Variants in MPDZ observed in about 807,000 individuals in gnomAD.
The protein encoded by MPDZ is multiple PDZ domain crumbs cell polarity complex component, also known as multiple PDZ domain protein.
MPDZ carries 234 observed loss-of-function variants against 239.1 expected under a neutral mutation model. That is an observed-to-expected ratio of 0.98 (90% CI 0.88 to 1.09). MPDZ has a LOEUF of 1.09. Ranked by LOEUF, MPDZ falls within the 50% of genes least tolerant of loss-of-function variation. The probability of loss-of-function intolerance (pLI) is 0.00; values close to 1 mark genes in which losing one functional copy is unlikely to be tolerated. For missense variants in MPDZ, 3,175 were observed against 2,510.0 expected, an observed-to-expected ratio of 1.26 and a Z score of -5.66; for synonymous variants, 1,048 against 881.3, an observed-to-expected ratio of 1.19 and a Z score of -3.35.
At chr9:13,255,959 T>G (rs1187088220) in intron 1 of MPDZ, among the ~76,000 whole-genome samples, 3 of 152,214 alleles carry the variant, frequency 2.0e-5, no homozygotes, top group Non-Finnish European at 2.9e-5. Flanking sequence ...CCTGATAGCC[T>G]CTTCTTTCAA....
intron 23 of MPDZ, among the ~76,000 whole-genome samples, chr9:13,160,561 G>A (rs964571700): frequency 6.6e-6 from 1 of 151,616 alleles, no homozygotes; most frequent in South Asian, 2.1e-4. Context: ...TATTTCAGAG[G>A]GACATTGAAA....
intron 1 of MPDZ, among the ~76,000 whole-genome samples, chr9:13,278,294 A>T (rs892883233): frequency 2.6e-5 from 4 of 152,134 alleles, no homozygotes; most frequent in African/African-American, 9.7e-5. Flanking sequence ...TACTGCAAAA[A>T]GGCAGTCAGT....
chr9:13,140,094 G>T lies in MPDZ; in HGVS notation c.3896C>A (p.Pro1299Gln), dbSNP rs187434398. The change falls in exon 28 of 47, where the codon CCA becomes CAA. Residue 1299 changes from proline (P) to glutamine (Q), a missense_variant. Physicochemically the swap from Pro to Gln is moderately conservative, Grantham distance 76. Transcript: ENST00000319217. ...TTCGGCAAAGGCTGAAGGAGGGGGT[G>T]GGGGCACACTGCACAATGGAGCCTT... is the stretch of plus-strand genomic sequence containing the variant. ...PEKAPLCSVP[P>Q]PPPSAFAEMG... The T allele has an allele frequency of 9.9e-6, 16 of 1,613,334 alleles. No homozygotes were observed. The highest frequency in any genetic ancestry group is 1.3e-5 in the Non-Finnish European group (15 of 1,179,794).
chr9:13,122,038 G>A (rs1442686674), intron 37 of MPDZ, 49 bp downstream of exon 37: 4 of 1,605,460 alleles, frequency 2.5e-6, no homozygotes, highest in African/African-American at 1.3e-5. Context: ...ACTCCCCCCA[G>A]GAGCCTTTTC....
intron 3 of MPDZ, among the ~76,000 whole-genome samples, chr9:13,246,101 T>C (rs778550612): frequency 6.6e-6 from 1 of 152,300 alleles, no homozygotes; most frequent in Non-Finnish European, 1.5e-5. Flanking sequence ...ATGCTTTTAT[T>C]TGGGATACTG....
chr9:13,170,308 A>C (rs1951622587), intron 21 of MPDZ, among the ~76,000 whole-genome samples: 1 of 152,130 alleles, frequency 6.6e-6, no homozygotes, highest in Non-Finnish European at 1.5e-5. Flanking sequence ...TTCTAGCCTA[A>C]TATTTCATAG....
intron 10 of MPDZ, among the ~76,000 whole-genome samples, chr9:13,211,986 A>C (rs1320874705): frequency 6.6e-6 from 1 of 152,082 alleles, no homozygotes; most frequent in Non-Finnish European, 1.5e-5. Context: ...CACAGTAATA[A>C]AGGAAAAAAA....
chr9:13,179,639 C>T lies in MPDZ; in HGVS notation c.2650-3222G>A, dbSNP rs10960964. On this transcript the variant is annotated intron_variant, in intron 19 of 46. Coordinates refer to ENST00000319217, the MANE Select transcript of MPDZ (RefSeq NM_001378778.1). ...AGATGTACAAAAATAACCACAATTT[C>T]CCAGTGCAACTTGATATCTAAAGTG... is the stretch of plus-strand genomic sequence containing the variant. Among the ~76,000 whole-genome samples the T allele has an allele frequency of 1.3e-3, 205 of 152,208 alleles. 4 individuals are homozygous for T. The East Asian group carries it at 0.033, about 25-fold the overall frequency.
intron 35 of MPDZ, among the ~76,000 whole-genome samples, chr9:13,123,924 G>C (rs527475428): frequency 6.6e-6 from 1 of 152,160 alleles, no homozygotes; most frequent in East Asian, 1.9e-4. Context: ...GTCAAATCCT[G>C]GTGCATATAT....
intron 25 of MPDZ, 113 bp downstream of exon 25, chr9:13,150,398 A>C: frequency 3.9e-6 from 3 of 776,414 alleles, no homozygotes; most frequent in Admixed American, 4.1e-5. Flanking sequence ...GAGCAGGTGA[A>C]AAATTTTAGC....
intron 26 of MPDZ, among the ~76,000 whole-genome samples, chr9:13,144,163 G>A (rs1337895377): frequency 6.6e-6 from 1 of 151,942 alleles, no homozygotes; most frequent in Non-Finnish European, 1.5e-5. Context: ...GTAGAGTGGT[G>A]TTCTCTATTT....
At chr9:13,184,289 G>A (rs561806046) in intron 18 of MPDZ, among the ~76,000 whole-genome samples, 1 of 152,012 alleles carries the variant, frequency 6.6e-6, no homozygotes, top group Non-Finnish European at 1.5e-5. Context: ...ATTATGATGA[G>A]CTTGAAGTTC....
At chr9:13,251,933 G>GAGCA (rs749116785) in intron 1 of MPDZ, among the ~76,000 whole-genome samples, 11 of 152,200 alleles carry the variant, frequency 7.2e-5, no homozygotes, top group Non-Finnish European at 1.6e-4. Context: ...GTGTGGCCTT[G>GAGCA]AGCAAGGGAC....
In MPDZ at chr9:13,121,928, T is replaced by C. The variant is rs1944405802; in HGVS notation, c.5042A>G (p.Asn1681Ser). 1.2e-6 allele frequency: 2 copies of C among 1,612,852 alleles called. No individual in the cohort carries two copies. The highest frequency in any genetic ancestry group is 1.7e-6 in the Non-Finnish European group (2 of 1,179,368). ...LWAGDQILEV[N>S]GIDLRKATHD... The stretch of plus-strand genomic sequence containing the variant: ...TGTGGCCTTTCTCAAGTCAATTCCA[T>C]TCACCTGTACAGAAATGGGACACTG... Residue 1681 changes from asparagine to serine, a missense_variant, in exon 38 of 47, where the codon AAT becomes AGT. Coordinates refer to ENST00000319217, the MANE Select transcript of MPDZ (RefSeq NM_001378778.1).
intron 23 of MPDZ, among the ~76,000 whole-genome samples, 161 bp downstream of exon 23, chr9:13,162,530 T>C (rs1950603885): frequency 6.6e-6 from 1 of 151,962 alleles, no homozygotes; most frequent in Non-Finnish European, 1.5e-5. Flanking sequence ...TATATAATAA[T>C]TACTTATATA....
rs1232261897 is a variant in MPDZ, at chr9:13,213,868, T to C, written c.1290+2906A>G. Among the ~76,000 whole-genome samples, 3 of 152,064 alleles carry C rather than the reference T, an allele frequency of 2.0e-5. No homozygotes were observed. The East Asian group carries it at 5.8e-4, about 29-fold the overall frequency. ...AGACTCTTTCAATGATAGCCCTCAA[T>C]AAATAATATCTGCTTAATTATTAAA... On this transcript the variant is annotated intron_variant, in intron 10 of 46. Transcript: ENST00000319217.
At chr9:13,203,731 CACACACACACA>C (rs1956662544) in intron 12 of MPDZ, among the ~76,000 whole-genome samples, 1 of 2,738 alleles carries the variant, frequency 3.7e-4, no homozygotes, top group East Asian at 7.1e-4. Context: ...TATCCTGCCA[CACACACACACA>C]CACACACACA....
rs753562644 is a variant in MPDZ, at chr9:13,119,655, C to T, written c.5232-6G>A. The T allele has an allele frequency of 5.0e-6, 8 of 1,613,904 alleles. No individual in the cohort carries two copies. The South Asian group carries it at 6.6e-5, about 13-fold the overall frequency. On this transcript the variant is annotated splice_region_variant and splice_polypyrimidine_tract_variant and intron_variant, in intron 38 of 46. Coordinates refer to ENST00000319217, the MANE Select transcript of MPDZ (RefSeq NM_001378778.1). Reference sequence around the variant, plus strand: ...CAAATACTCCAGTATCGTTTCTACACACAATTTTGAATTTCAACATTATCT... The same window carrying T: ...CAAATACTCCAGTATCGTTTCTACATACAATTTTGAATTTCAACATTATCT...
chr9:13,190,215 C>G lies in MPDZ; in HGVS notation c.2053G>C (p.Glu685Gln). Reference protein sequence around the residue: ...LAMTDAGQSTEEVQAPLAMWE... With the variant: ...LAMTDAGQSTQEVQAPLAMWE... ...ATGGCCAAAGGTGCTTGAACCTCTT[C>G]TGTACTCTGACCCGCATCAGTCATC... is the stretch of plus-strand genomic sequence containing the variant. The change falls in exon 16 of 47, where the codon GAA becomes CAA. Residue 685 changes from glutamate to glutamine, a missense_variant. Physicochemically the swap from Glu to Gln is conservative, Grantham distance 29 (BLOSUM62 2). Transcript: ENST00000319217. 1 of 1,613,156 alleles carries G rather than the reference C, an allele frequency of 6.2e-7. No homozygotes were observed. Among genetic ancestry groups the G allele is most frequent in the Non-Finnish European group, 8.5e-7 (1 of 1,179,512 alleles).
Sources: gnomAD v4.1 joint callset for allele counts (sites outside exome capture counted in the v4.1 genomes callset) on GRCh38, gnomAD v4.1.1 for gene constraint, MANE v1.5 for transcripts, NCBI Gene and HGNC (gene_info 2026-07-23, HGNC 2026-07-21) for gene names.